ZNF578: variants seen among roughly 807,000 people sequenced by gnomAD.
The protein encoded by ZNF578 is zinc finger protein 578.
ZNF578 carries 8 observed loss-of-function variants against 8.3 expected under a neutral mutation model. That is an observed-to-expected ratio of 0.96 (90% confidence interval 0.56 to 1.74). ZNF578 has a LOEUF of 1.74. ZNF578 is among the 40% of genes most tolerant of loss of function. The pLI is 0.00. For missense variants in ZNF578, 726 were observed against 707.5 expected (o/e 1.03, Z -0.30); for synonymous variants, 206 against 232.2 (o/e 0.89, Z 1.03).
rs552336622 is a variant in ZNF578, at chr19:52,483,559, A to G, written c.-121-7765A>G. Among the ~76,000 whole-genome samples the G allele has an allele frequency of 5.3e-4, 81 of 152,348 alleles. 1 individual carries two copies. The South Asian group carries it at 0.016, about 31-fold the overall frequency. On this transcript the variant is annotated intron_variant, in intron 2 of 5. Transcript: ENST00000421239. ...GAACTCTGAACATCCCTTTTGGCCA[A>G]TATAAACATTCAGACCAGGGAGCCT...
chr19:52,492,229 G>T (rs1345856521), intron 3 of ZNF578, among the ~76,000 whole-genome samples: 1 of 149,438 alleles, frequency 6.7e-6, no homozygotes, highest in Non-Finnish European at 1.5e-5. Context: ...GTGAGAGGGG[G>T]TGTTACTTTG....
At chr19:52,505,716 G>C (rs576105423) in intron 5 of ZNF578, among the ~76,000 whole-genome samples, 1 of 151,962 alleles carries the variant, frequency 6.6e-6, no homozygotes, top group Non-Finnish European at 1.5e-5. Context: ...GAGCCACTGC[G>C]CCTGGCCCAT....
intron 2 of ZNF578, among the ~76,000 whole-genome samples, chr19:52,467,477 G>C (rs552359665): frequency 1.3e-5 from 2 of 152,182 alleles, no homozygotes; most frequent in South Asian, 2.1e-4. Context: ...TTAGCTGAGC[G>C]TGGTGGCACA....
chr19:52,492,075 G>A (rs1410115182), intron 3 of ZNF578, among the ~76,000 whole-genome samples: 2 of 145,158 alleles, frequency 1.4e-5, no homozygotes, highest in African/African-American at 2.5e-5. Context: ...GGAGAATGGC[G>A]TGAACCCGGA....
At position 52,512,825 on chromosome 19, in the gene ZNF578, A is replaced by G. The variant is rs2059454674; in HGVS notation, c.*671A>G. Among the ~76,000 whole-genome samples the G allele has an allele frequency of 6.6e-6, 1 of 152,176 alleles. No individual in the cohort carries two copies. Among genetic ancestry groups the G allele is most frequent in the African/African-American group, 2.4e-5 (1 of 41,436 alleles). On this transcript the variant is annotated 3_prime_UTR_variant, in exon 6 of 6. Coordinates refer to ENST00000421239, the MANE Select transcript of ZNF578 (RefSeq NM_001099694.2). ...TGACATTGGAGTCAATTCAGCATTG[A>G]CTTGAGTTTGTGTTGACTTAACATT...
At chr19:52,465,912 T>C (rs569477712) in intron 2 of ZNF578, among the ~76,000 whole-genome samples, 86 of 152,340 alleles carry the variant, frequency 5.6e-4, no homozygotes, top group Non-Finnish European at 9.4e-4. Context: ...GGCCCCATGG[T>C]TGGGTGCCAA....
At chr19:52,474,115 A>C (rs1471028514) in intron 2 of ZNF578, 1 of 347,566 alleles carries the variant, frequency 2.9e-6, no homozygotes, top group Non-Finnish European at 6.0e-6. Flanking sequence ...TTAGGGATAA[A>C]CTATGCCTGA....
Position 52,516,104 on chromosome 19 carries a change from C to G in ZNF578, c.*3950C>G, listed in dbSNP as rs1297370690. Among the ~76,000 whole-genome samples, 1 of 140,164 alleles carries G rather than the reference C, an allele frequency of 7.1e-6. No homozygotes were observed. Among genetic ancestry groups the G allele is most frequent in the East Asian group, 2.7e-4 (1 of 3,638 alleles). 92.0% of individuals were successfully genotyped at this position (140,164 alleles called of 152,430 possible). On this transcript the variant is annotated 3_prime_UTR_variant, in exon 6 of 6. Coordinates refer to ENST00000421239, the MANE Select transcript of ZNF578 (RefSeq NM_001099694.2). ...TTTCTCTTTTCCCAAACATCAAAAC[C>G]CTTCCTGTCTCAGGTCATTGTCCCT... is the stretch of plus-strand genomic sequence containing the variant.
intron 3 of ZNF578, among the ~76,000 whole-genome samples, chr19:52,500,385 A>G (rs1490161236): frequency 6.0e-5 from 9 of 150,006 alleles, no homozygotes; most frequent in Middle Eastern, 3.5e-3. Flanking sequence ...TGAGGCACAA[A>G]TGGTTGCAAT....
intron 3 of ZNF578, among the ~76,000 whole-genome samples, chr19:52,498,684 C>CTTTTTTTTTTTT (rs72019256): frequency 0.011 from 1,202 of 106,752 alleles, 141 homozygotes; most frequent in African/African-American, 0.026. Flanking sequence ...CGCCTGGCCG[C>CTTTTTTTTTTTT]TTTTTTTTTT....
intron 4 of ZNF578, among the ~76,000 whole-genome samples, chr19:52,503,409 G>GA (rs1260237204): frequency 5.9e-5 from 9 of 152,218 alleles, no homozygotes; most frequent in African/African-American, 2.2e-4. Context: ...GCAGTGGCGG[G>GA]ATCTCAGCTC....
At chr19:52,498,492 C>T (rs1042606491) in intron 3 of ZNF578, among the ~76,000 whole-genome samples, 1 of 151,974 alleles carries the variant, frequency 6.6e-6, no homozygotes, top group Non-Finnish European at 1.5e-5. Context: ...CCACCACACC[C>T]AGAGAATTTT....
At chr19:52,500,165 A>G (rs2059401545) in intron 3 of ZNF578, among the ~76,000 whole-genome samples, 1 of 152,170 alleles carries the variant, frequency 6.6e-6, no homozygotes, top group African/African-American at 2.4e-5. Context: ...CTGTGAAATC[A>G]GAAAATCTTA....
At chr19:52,489,105 CT>C (rs2059356135) in intron 2 of ZNF578, among the ~76,000 whole-genome samples, 1 of 151,638 alleles carries the variant, frequency 6.6e-6, no homozygotes, top group Non-Finnish European at 1.5e-5. Context: ...TCTGCCCCCC[CT>C]AAAAAAAGAA....
chr19:52,501,742 T>C, intron 3 of ZNF578, 85 bp from the exon 4 acceptor site: 1 of 1,412,874 alleles, frequency 7.1e-7, no homozygotes. Flanking sequence ...TTGTACAGGG[T>C]GATGTCTCCC....
At chr19:52,487,309 A>T (rs1025927560) in intron 2 of ZNF578, among the ~76,000 whole-genome samples, 4 of 152,228 alleles carry the variant, frequency 2.6e-5, no homozygotes, top group Non-Finnish European at 4.4e-5. Context: ...AGCCTGGTCA[A>T]CAGGGCGAGA....
In ZNF578 at chr19:52,512,000, A is replaced by G. The variant is rs753524966; in HGVS notation, c.1619A>G (p.Lys540Arg). The G allele has an allele frequency of 6.8e-6, 11 of 1,613,934 alleles. No homozygotes were observed. Among genetic ancestry groups the G allele is most frequent in the African/African-American group, 4.0e-5 (3 of 74,908 alleles). ...HRLHTGEKPY[K>R]CKVCDKAFMC... Reference sequence around the variant, plus strand: ...CTTCATACTGGAGAGAAACCTTACAAATGTAAGGTTTGTGACAAGGCTTTC... The same window carrying G: ...CTTCATACTGGAGAGAAACCTTACAGATGTAAGGTTTGTGACAAGGCTTTC... Residue 540 changes from lysine to arginine, a missense_variant, in exon 6 of 6, where the codon AAA becomes AGA. Coordinates refer to ENST00000421239, the MANE Select transcript of ZNF578 (RefSeq NM_001099694.2).
At chr19:52,471,013 A>G (rs2059290078) in intron 2 of ZNF578, among the ~76,000 whole-genome samples, 1 of 152,018 alleles carries the variant, frequency 6.6e-6, no homozygotes, top group African/African-American at 2.4e-5. Context: ...TTGTTTAAAC[A>G]TGTGTGGCAC....
At chr19:52,481,854 C>T (rs2059327634) in intron 2 of ZNF578, among the ~76,000 whole-genome samples, 2 of 152,008 alleles carry the variant, frequency 1.3e-5, no homozygotes, top group Middle Eastern at 3.2e-3. Flanking sequence ...CTTCAGCCTC[C>T]CGAGTAGCTG....
Sources: gnomAD v4.1 joint callset for allele counts (sites outside exome capture counted in the v4.1 genomes callset) on GRCh38, gnomAD v4.1.1 for gene constraint, MANE v1.5 for transcripts, NCBI Gene and HGNC (gene_info 2026-07-23, HGNC 2026-07-21) for gene names.